The following PPP1R42 variants were observed in gnomAD, a reference collection of about 807,000 sequenced individuals.
The protein encoded by PPP1R42 is protein phosphatase 1 regulatory subunit 42.
A neutral mutation model predicts 31.0 loss-of-function variants in PPP1R42; 34 were observed. The observed-to-expected ratio is 1.10, with a 90% CI of 0.83 to 1.46. The LOEUF (loss-of-function observed/expected upper bound fraction) is 1.46, where lower values mean the gene tolerates loss of function less well. PPP1R42 is among the 40% of genes most tolerant of loss of function. PPP1R42 has a pLI of 0.00. For missense variants in PPP1R42, 268 were observed against 303.0 expected, an observed-to-expected ratio of 0.88 and a Z score of 0.86; for synonymous variants, 103 against 109.8, an observed-to-expected ratio of 0.94 and a Z score of 0.39.
chr8:67,019,220 G>T (rs1375474672), intron 1 of PPP1R42, among the ~76,000 whole-genome samples: 1 of 143,902 alleles, frequency 6.9e-6, no homozygotes, highest in Admixed American at 7.0e-5. Context: ...GCACCACTAC[G>T]CCTGGTTTAT....
At chr8:67,014,142 T>A (rs923401938) in intron 3 of PPP1R42, among the ~76,000 whole-genome samples, 1 of 152,162 alleles carries the variant, frequency 6.6e-6, no homozygotes, top group Non-Finnish European at 1.5e-5. Flanking sequence ...TTCCCCAGAA[T>A]GAAAAGTATA....
At chr8:67,017,163 A>G (rs1171643148) in intron 2 of PPP1R42, among the ~76,000 whole-genome samples, 1 of 152,098 alleles carries the variant, frequency 6.6e-6, no homozygotes, top group Non-Finnish European at 1.5e-5. Context: ...ACACAATATA[A>G]AGCTTACTGA....
chr8:66,982,582 G>C (rs144192784), intron 6 of PPP1R42, among the ~76,000 whole-genome samples: 2 of 151,806 alleles, frequency 1.3e-5, no homozygotes, highest in Non-Finnish European at 2.9e-5. Flanking sequence ...TCAGCCTCCC[G>C]AATAGCTGGG....
intron 7 of PPP1R42, among the ~76,000 whole-genome samples, chr8:66,976,558 C>T (rs1814679460): frequency 6.6e-6 from 1 of 151,814 alleles, no homozygotes; most frequent in African/African-American, 2.4e-5. Context: ...TCTGGCCTTC[C>T]CAGTCTGTAG....
At chr8:67,024,020 C>G (rs1251459300) in intron 1 of PPP1R42, among the ~76,000 whole-genome samples, 1 of 151,902 alleles carries the variant, frequency 6.6e-6, no homozygotes. Context: ...GTGGCGCGCA[C>G]CTGTAGTCCC....
chr8:67,027,848 T>C (rs1816449130), intron 1 of PPP1R42, among the ~76,000 whole-genome samples: 1 of 152,200 alleles, frequency 6.6e-6, no homozygotes, highest in African/African-American at 2.4e-5. Context: ...CTCCTCTTAC[T>C]AGATCTCTCT....
At chr8:67,002,594 G>A (rs765766948) in intron 5 of PPP1R42, among the ~76,000 whole-genome samples, 3 of 152,080 alleles carry the variant, frequency 2.0e-5, no homozygotes, top group South Asian at 4.1e-4. Flanking sequence ...GGGTTTTGTT[G>A]AGCTTCATAG....
At chr8:67,019,805 G>A (rs1022198726) in intron 1 of PPP1R42, among the ~76,000 whole-genome samples, 15 of 151,382 alleles carry the variant, frequency 9.9e-5, no homozygotes, top group African/African-American at 2.7e-4. Flanking sequence ...GGAGAATGGC[G>A]TGAACCTGGG....
At chr8:66,970,461 T>TA (rs1814506899) in intron 7 of PPP1R42, among the ~76,000 whole-genome samples, 1 of 152,200 alleles carries the variant, frequency 6.6e-6, no homozygotes, top group South Asian at 2.1e-4. Context: ...ATCAAAGCAA[T>TA]ACCTTTTTTA....
chr8:67,026,126 A>C (rs1321655235), intron 1 of PPP1R42, among the ~76,000 whole-genome samples: 1 of 151,994 alleles, frequency 6.6e-6, no homozygotes, highest in African/African-American at 2.4e-5. Flanking sequence ...ACCTGAGGTC[A>C]GGAGTTTGCG....
chr8:67,019,945 C>A (rs1316009496), intron 1 of PPP1R42, among the ~76,000 whole-genome samples: 1 of 151,914 alleles, frequency 6.6e-6, no homozygotes, highest in Non-Finnish European at 1.5e-5. Flanking sequence ...AGAGATTTAT[C>A]TTAAGCTACT....
Position 67,010,710 on chromosome 8 carries a change from A to G in PPP1R42, c.552+5T>C, listed in dbSNP as rs767661177. ...ATCTTAAAAATTAATTTCTCTTTAC[A>G]CTACCTTCACATGCAGAAGTTGGTT... On this transcript the variant is annotated splice_donor_5th_base_variant and intron_variant, in intron 5 of 7. Transcript: ENST00000685739. 6.5e-7 allele frequency: 1 copy of G among 1,543,424 alleles called. No homozygotes were observed. The highest frequency in any genetic ancestry group is 8.9e-7 in the Non-Finnish European group (1 of 1,126,364).
At chr8:67,004,289 G>T (rs1469924372) in intron 5 of PPP1R42, among the ~76,000 whole-genome samples, 1 of 152,178 alleles carries the variant, frequency 6.6e-6, no homozygotes, top group Non-Finnish European at 1.5e-5. Context: ...AACCTTTGCT[G>T]CCTTGATCTT....
chr8:67,009,667 G>A (rs1398705034), intron 5 of PPP1R42, among the ~76,000 whole-genome samples: 3 of 152,254 alleles, frequency 2.0e-5, no homozygotes, highest in African/African-American at 7.2e-5. Flanking sequence ...TAATTGAGTT[G>A]TGCTTCCTAA....
At chr8:66,972,292 G>T (rs932579468) in intron 7 of PPP1R42, among the ~76,000 whole-genome samples, 1 of 152,170 alleles carries the variant, frequency 6.6e-6, no homozygotes, top group African/African-American at 2.4e-5. Flanking sequence ...CCTACAAATG[G>T]CCAAGGAAGA....
intron 5 of PPP1R42, among the ~76,000 whole-genome samples, chr8:67,008,495 G>A (rs917640523): frequency 6.6e-6 from 1 of 151,840 alleles, no homozygotes; most frequent in South Asian, 2.1e-4. Context: ...ATCACCTGAG[G>A]TTAGGAGTTC....
chr8:66,995,020 C>T (rs1243821158), intron 5 of PPP1R42, among the ~76,000 whole-genome samples: 1 of 152,064 alleles, frequency 6.6e-6, no homozygotes, highest in African/African-American at 2.4e-5. Flanking sequence ...TTTCTTTTTC[C>T]CCATGGCACA....
At chr8:66,984,093 G>A in intron 6 of PPP1R42, 1 of 1,544,564 alleles carries the variant, frequency 6.5e-7, no homozygotes, top group Non-Finnish European at 8.9e-7. Context: ...GGACAGAAGA[G>A]ACAAAGGCAA....
At chr8:66,972,219 A>G (rs1229889247) in intron 7 of PPP1R42, among the ~76,000 whole-genome samples, 2 of 152,184 alleles carry the variant, frequency 1.3e-5, no homozygotes, top group African/African-American at 4.8e-5. Context: ...TAAGCCTGAG[A>G]GTTCCAGGTT....
Sources: gnomAD v4.1 joint callset for allele counts (sites outside exome capture counted in the v4.1 genomes callset) on GRCh38, gnomAD v4.1.1 for gene constraint, MANE v1.5 for transcripts, NCBI Gene and HGNC (gene_info 2026-07-23, HGNC 2026-07-21) for gene names.